The following HDGFL2 variants were observed in gnomAD, a reference collection of about 807,000 sequenced individuals.
The protein encoded by HDGFL2 is hepatoma-derived growth factor-related protein 2.
HDGFL2 carries 36 observed loss-of-function variants against 77.1 expected under a neutral mutation model. The ratio of observed to expected loss-of-function variants is 0.47; its 90% CI spans 0.36 to 0.62. The LOEUF (loss-of-function observed/expected upper bound fraction) is 0.62, where lower values mean the gene tolerates loss of function less well. Among genes scored for constraint, HDGFL2 ranks in the 20% least tolerant of loss-of-function variants. HDGFL2 has a pLI of 0.00. For missense variants in HDGFL2, 976 were observed against 973.4 expected (o/e 1.00, Z -0.04); for synonymous variants, 463 against 413.1 (o/e 1.12, Z -1.46).
intron 1 of HDGFL2, among the ~76,000 whole-genome samples, chr19:4,473,034 G>C (rs1408870955): frequency 6.6e-6 from 1 of 150,548 alleles, no homozygotes; most frequent in Non-Finnish European, 1.5e-5. Flanking sequence ...GGTATCCTGG[G>C]CCCGAGGGAG....
intron 10 of HDGFL2, among the ~76,000 whole-genome samples, 169 bp downstream of exon 10, chr19:4,496,574 G>A (rs910604653): frequency 5.9e-5 from 9 of 152,156 alleles, no homozygotes; most frequent in Non-Finnish European, 1.0e-4. Context: ...TCGCTGCTGC[G>A]GGAGTGGGAT....
chr19:4,477,985 CAGG>C (rs1254297426), intron 3 of HDGFL2, among the ~76,000 whole-genome samples: 1 of 149,006 alleles, frequency 6.7e-6, no homozygotes, highest in African/African-American at 2.5e-5. Context: ...GAGGCTGAGG[CAGG>C]AGAATTGCTT....
chr19:4,483,963 G>C (rs1975290794), intron 3 of HDGFL2, among the ~76,000 whole-genome samples: 1 of 149,248 alleles, frequency 6.7e-6, no homozygotes, highest in Non-Finnish European at 1.5e-5. Context: ...CTAATTCTTT[G>C]TATTTTTAGT....
At position 4,498,176 on chromosome 19, in the gene HDGFL2, G is replaced by GT; in HGVS notation, c.1403-129dup. ...GGCCTGGCCGGCGGTGCCTCCAGGG[G>GT]TGGGGGCTGAGCCTGCAGACCTGGG... On this transcript the variant is annotated intron_variant, in intron 11 of 15. Transcript: ENST00000616600. The GT allele has an allele frequency of 2.6e-6, 3 of 1,135,608 alleles. No individual in the cohort carries two copies. In the South Asian group the frequency reaches 4.1e-5, roughly 15 times the overall value. 70.3% of individuals were successfully genotyped at this position (1,135,608 alleles called of 1,614,324 possible). A position where few individuals can be genotyped will look rare whatever the true frequency, so the allele number is the denominator to read the frequency against.
rs752755702 is a variant in HDGFL2, at chr19:4,491,571, G to A, written c.495G>A (p.Ser165=). 11 of 1,613,428 alleles carry A rather than the reference G, an allele frequency of 6.8e-6. No individual in the cohort carries two copies. Among genetic ancestry groups the A allele is most frequent in the Admixed American group, 1.7e-5 (1 of 59,950 alleles). The change falls in exon 5 of 16, where the codon TCG becomes TCA. Residue 165 remains serine, a synonymous_variant. Coordinates refer to ENST00000616600, the MANE Select transcript of HDGFL2 (RefSeq NM_001001520.3). Reference sequence around the variant, plus strand: ...TCAGGCCGTTCCCCTTCCAGATGTCGGTCTCGAAACGAGCCCGAAAGGCCT... The same window carrying A: ...TCAGGCCGTTCCCCTTCCAGATGTCAGTCTCGAAACGAGCCCGAAAGGCCT... The part of the protein sequence containing the change: ...LKRKTPALKM[S]VSKRARKASS...
intron 3 of HDGFL2, among the ~76,000 whole-genome samples, chr19:4,480,013 G>T (rs1460143700): frequency 1.8e-5 from 2 of 108,946 alleles, no homozygotes; most frequent in African/African-American, 8.0e-5. Context: ...CCTTATAAGA[G>T]AGTATAGCAG....
chr19:4,488,596 C>A lies in HDGFL2; in HGVS notation c.289-80C>A, dbSNP rs981358976. 1.7e-5 allele frequency: 22 copies of A among 1,298,170 alleles called. No homozygotes were observed. In the African/African-American group the frequency reaches 2.8e-4, roughly 16 times the overall value. The allele number at this position is 1,298,170 out of a possible 1,614,324, so 80.4% of individuals were successfully genotyped here. On this transcript the variant is annotated intron_variant, in intron 3 of 15. Transcript: ENST00000616600. ...CATTCAGGATCCCGCATGTGGTTGC[C>A]GTCCTCTGGGTCATAGTCCTGATGG...
intron 3 of HDGFL2, among the ~76,000 whole-genome samples, chr19:4,484,366 G>C (rs1034835497): frequency 6.6e-6 from 1 of 151,950 alleles, no homozygotes; most frequent in African/African-American, 2.4e-5. Flanking sequence ...TTATAGGCGT[G>C]AGCCACCACG....
In HDGFL2 at chr19:4,472,368, G is replaced by A; in HGVS notation, c.18G>A (p.Lys6=). The A allele has an allele frequency of 6.6e-7, 1 of 1,504,628 alleles. No individual in the cohort carries two copies. The allele number at this position is 1,504,628 out of a possible 1,614,324, so 93.2% of individuals were successfully genotyped here. Residue 6 remains lysine, a synonymous_variant, in exon 1 of 16, where the codon AAG becomes AAA. Coordinates refer to ENST00000616600, the MANE Select transcript of HDGFL2 (RefSeq NM_001001520.3). MPHAF[K]PGDLVFAKMK... The stretch of plus-strand genomic sequence containing the variant: ...CCGTCAGCATGCCACACGCCTTCAA[G>A]CCCGGGGACTTGGTGTTCGCTAAGA...
At chr19:4,476,682 A>T (rs1401403997) in intron 3 of HDGFL2, among the ~76,000 whole-genome samples, 2 of 150,998 alleles carry the variant, frequency 1.3e-5, no homozygotes, top group Non-Finnish European at 1.5e-5. Context: ...CAAGAATCAG[A>T]TGACATCTCA....
intron 4 of HDGFL2, 41 bp from the exon 5 acceptor site, chr19:4,491,525 G>C: frequency 1.3e-6 from 2 of 1,577,012 alleles, no homozygotes; most frequent in Non-Finnish European, 1.7e-6. Flanking sequence ...CCAGGAGCCC[G>C]GCCTTCCCAT....
chr19:4,472,501 A>T, intron 1 of HDGFL2, 79 bp downstream of exon 1: 1 of 668,974 alleles, frequency 1.5e-6, no homozygotes, highest in Non-Finnish European at 1.9e-6. Context: ...CGGGCACTGG[A>T]GGGCCGGGGT....
At chr19:4,500,212 T>C (rs1975822904) in intron 14 of HDGFL2, among the ~76,000 whole-genome samples, 1 of 152,184 alleles carries the variant, frequency 6.6e-6, no homozygotes, top group African/African-American at 2.4e-5. Context: ...GAGCAGCCCT[T>C]TGGAGATGGG....
chr19:4,490,421 T>C (rs1325288051), intron 4 of HDGFL2, among the ~76,000 whole-genome samples: 1 of 152,180 alleles, frequency 6.6e-6, no homozygotes, highest in African/African-American at 2.4e-5. Context: ...CAGATTCCGG[T>C]GTGTGGAGGG....
Position 4,491,628 on chromosome 19 carries a change from A to G in HDGFL2, c.552A>G (p.Pro184=). The G allele has an allele frequency of 6.2e-7, 1 of 1,613,902 alleles. No individual in the cohort carries two copies. Among genetic ancestry groups the G allele is most frequent in the African/African-American group, 1.3e-5 (1 of 74,994 alleles). ...SSDLDQASVS[P]SEEENSESSS... The stretch of plus-strand genomic sequence containing the variant: ...ACCTGGATCAGGCCAGCGTGTCCCC[A>G]TCCGAAGAGGAGAACTCGGAAAGCT... Residue 184 remains proline (P), a synonymous_variant, in exon 5 of 16, where the codon CCA becomes CCG. Transcript: ENST00000616600.
At chr19:4,489,116 G>A (rs1471816327) in intron 4 of HDGFL2, among the ~76,000 whole-genome samples, 1 of 149,932 alleles carries the variant, frequency 6.7e-6, no homozygotes, top group African/African-American at 2.5e-5. Context: ...ACCGCACTTG[G>A]CTAATTTTTG....
At chr19:4,501,602 C>G in intron 15 of HDGFL2, 1 of 475,840 alleles carries the variant, frequency 2.1e-6, no homozygotes, top group Non-Finnish European at 3.7e-6. Context: ...AGGTAGGCCC[C>G]GAGCACGGGC....
chr19:4,494,097 A>G (rs775048015), intron 8 of HDGFL2, 40 bp downstream of exon 8: 1 of 1,535,160 alleles, frequency 6.5e-7, no homozygotes, highest in South Asian at 1.2e-5. Flanking sequence ...CGGCTCCTCC[A>G]TCGGCTGAGG....
intron 3 of HDGFL2, among the ~76,000 whole-genome samples, chr19:4,481,393 T>C (rs1975213328): frequency 6.6e-6 from 1 of 152,106 alleles, no homozygotes; most frequent in Non-Finnish European, 1.5e-5. Flanking sequence ...GGTTTCACCA[T>C]GTTAGCCAGG....
Sources: allele counts gnomAD v4.1 joint callset (sites outside exome capture counted in the v4.1 genomes callset), GRCh38; gene constraint gnomAD v4.1.1; transcripts MANE v1.5; gene names NCBI Gene and HGNC (gene_info 2026-07-23, HGNC 2026-07-21).